The following DEPTOR variants were observed in gnomAD, a reference collection of about 807,000 sequenced individuals.
DEPTOR encodes the protein DEP domain-containing mTOR-interacting protein.
In DEPTOR, 41 loss-of-function variants were observed where a neutral mutation model predicts 41.6. The observed-to-expected ratio is 0.98, with a 90% CI of 0.77 to 1.28. The LOEUF (loss-of-function observed/expected upper bound fraction) is 1.28. Ranked by LOEUF, DEPTOR falls within the 50% of genes most tolerant of loss-of-function variation. DEPTOR has a pLI of 0.00. For missense variants in DEPTOR, 514 were observed against 527.9 expected (o/e 0.97, Z 0.26); for synonymous variants, 195 against 192.3 (o/e 1.01, Z -0.12).
chr8:119,955,002 G>T (rs540682674), intron 3 of DEPTOR, among the ~76,000 whole-genome samples: 1 of 152,062 alleles, frequency 6.6e-6, no homozygotes, highest in Non-Finnish European at 1.5e-5. Context: ...GGGATTACAG[G>T]TGCCCGCCAC....
chr8:119,936,004 T>TG (rs1333586751), intron 3 of DEPTOR, among the ~76,000 whole-genome samples: 2 of 150,708 alleles, frequency 1.3e-5, no homozygotes, highest in Admixed American at 6.6e-5. Flanking sequence ...TAGTTGTTTT[T>TG]TTTTTTTTTT....
At chr8:120,028,102 T>G (rs1364482271) in intron 8 of DEPTOR, among the ~76,000 whole-genome samples, 2 of 152,220 alleles carry the variant, frequency 1.3e-5, no homozygotes, top group African/African-American at 4.8e-5. Context: ...GAAGGTGGTG[T>G]TCCACAGTTT....
chr8:119,996,811 C>A (rs993094314), intron 4 of DEPTOR, among the ~76,000 whole-genome samples: 3 of 152,076 alleles, frequency 2.0e-5, no homozygotes, highest in African/African-American at 7.2e-5. Flanking sequence ...TAAATGTATA[C>A]AGGGCTATAT....
chr8:119,982,014 T>TAA (rs35334859), intron 4 of DEPTOR, among the ~76,000 whole-genome samples: 27,364 of 65,474 alleles, frequency 0.42, 6,828 homozygotes, highest in East Asian at 0.5. Flanking sequence ...ATTCCATCTC[T>TAA]AAAAAAAAAA....
rs556877023 is a variant in DEPTOR, at chr8:120,040,007, C to T, written c.1102-9569C>T. ...TACAGGCACATGCCACCACGCCTGG[C>T]TAATTTTTGTATTCTTAGTAGAGAT... On this transcript the variant is annotated intron_variant, in intron 8 of 8. Coordinates refer to ENST00000286234, the MANE Select transcript of DEPTOR (RefSeq NM_022783.4). 4.6e-5 allele frequency among the ~76,000 whole-genome samples: 7 copies of T among 152,100 alleles called. No homozygotes were observed. In the South Asian group the frequency reaches 1.5e-3, roughly 32 times the overall value.
At chr8:119,969,359 TG>T (rs1371723677) in intron 4 of DEPTOR, among the ~76,000 whole-genome samples, 20 of 151,608 alleles carry the variant, frequency 1.3e-4, no homozygotes, top group South Asian at 2.1e-4. Context: ...TGTTTTTTTT[TG>T]TTTTTTTTTT....
At chr8:119,898,543 A>G (rs35272074) in intron 1 of DEPTOR, among the ~76,000 whole-genome samples, 75,255 of 151,326 alleles carry the variant, frequency 0.5, 20,383 homozygotes, top group East Asian at 0.92. Context: ...GGGCAATGTG[A>G]TGAGACCCCG....
intron 8 of DEPTOR, among the ~76,000 whole-genome samples, chr8:120,021,648 C>T (rs1459763382): frequency 6.6e-6 from 1 of 152,086 alleles, no homozygotes; most frequent in African/African-American, 2.4e-5. Flanking sequence ...ATGTTTCTGC[C>T]ATATTGCAGT....
At chr8:119,950,593 T>C (rs1421463763) in intron 3 of DEPTOR, among the ~76,000 whole-genome samples, 2 of 151,886 alleles carry the variant, frequency 1.3e-5, no homozygotes, top group East Asian at 1.9e-4. Flanking sequence ...TCTTTTCTTT[T>C]CTTCTTTTTC....
chr8:120,003,035 C>G lies in DEPTOR; in HGVS notation c.849C>G (p.Ser283Arg), dbSNP rs1260416301. 1.2e-5 allele frequency: 20 copies of G among 1,609,282 alleles called. 1 individual carries two copies. Among genetic ancestry groups the G allele is most frequent in the Non-Finnish European group, 1.6e-5 (19 of 1,178,550 alleles). ...VSAVRRSSMS[S>R]CGSSGYFSSS... The stretch of plus-strand genomic sequence containing the variant: ...CAGTGAGGAGAAGCAGCATGAGCAG[C>G]TGTGGCAGCAGCGGCTACTTCAGCA... The change falls in exon 6 of 9, where the codon AGC (serine) becomes AGG (arginine). Residue 283 changes from serine (S) to arginine (R), a missense_variant. Transcript: ENST00000286234.
chr8:119,878,527 C>T (rs1273976666), intron 1 of DEPTOR, among the ~76,000 whole-genome samples: 1 of 151,590 alleles, frequency 6.6e-6, no homozygotes, highest in Non-Finnish European at 1.5e-5. Flanking sequence ...CAGCGTTTCA[C>T]CATGTTGGCC....
intron 8 of DEPTOR, among the ~76,000 whole-genome samples, chr8:120,040,386 C>CCCAAATGT (rs1813049025): frequency 6.6e-6 from 1 of 151,872 alleles, no homozygotes; most frequent in South Asian, 2.1e-4. Flanking sequence ...ACCATCCTGG[C>CCCAAATGT]TAACGTGGTG....
Position 120,050,272 on chromosome 8 carries a change from G to A in DEPTOR, c.*568G>A, listed in dbSNP as rs1177711331. ...TGACTTCTTAATTCCTGCCTTTAGT[G>A]TCAACTTTTAAGTTAATACAGGTTT... On this transcript the variant is annotated 3_prime_UTR_variant, in exon 9 of 9. Transcript: ENST00000286234. 1 of 151,528 alleles carries A rather than the reference G, an allele frequency of 6.6e-6. No homozygotes were observed. The highest frequency in any genetic ancestry group is 1.9e-4 in the East Asian group (1 of 5,166). The allele number at this position is 151,528 out of a possible 1,614,324, so 9.4% of individuals were successfully genotyped here.
intron 3 of DEPTOR, among the ~76,000 whole-genome samples, chr8:119,947,677 G>A (rs771066433): frequency 2.6e-5 from 4 of 152,164 alleles, no homozygotes; most frequent in Non-Finnish European, 5.9e-5. Context: ...ACAGGGCGGC[G>A]TATCCAGTAT....
intron 3 of DEPTOR, among the ~76,000 whole-genome samples, chr8:119,952,586 G>A (rs906049871): frequency 1.3e-5 from 2 of 152,164 alleles, no homozygotes; most frequent in African/African-American, 2.4e-5. Context: ...CCCTCCCACT[G>A]CTACTGGCCC....
At chr8:119,952,115 G>A (rs1032972774) in intron 3 of DEPTOR, among the ~76,000 whole-genome samples, 5 of 151,866 alleles carry the variant, frequency 3.3e-5, no homozygotes, top group Non-Finnish European at 7.4e-5. Flanking sequence ...CAACCTGGGC[G>A]ACAGAGTGAA....
intron 4 of DEPTOR, among the ~76,000 whole-genome samples, chr8:119,981,170 G>A (rs1278484065): frequency 6.6e-6 from 1 of 152,116 alleles, no homozygotes; most frequent in African/African-American, 2.4e-5. Flanking sequence ...TTGTTTAACA[G>A]GTTCTCCTAA....
At chr8:119,944,741 G>A (rs777550188) in intron 3 of DEPTOR, among the ~76,000 whole-genome samples, 3 of 147,692 alleles carry the variant, frequency 2.0e-5, no homozygotes, top group Non-Finnish European at 3.0e-5. Context: ...TGCAACCTCC[G>A]CCTCCTGGGT....
chr8:119,874,277 T>TC (rs1314627551), intron 1 of DEPTOR: 6 of 377,396 alleles, frequency 1.6e-5, no homozygotes, highest in Non-Finnish European at 2.9e-5. Context: ...CTGTCCGTCT[T>TC]CCCGTGTACC....
Sources: allele counts gnomAD v4.1 joint callset (sites outside exome capture counted in the v4.1 genomes callset), GRCh38; gene constraint gnomAD v4.1.1; transcripts MANE v1.5; gene names NCBI Gene and HGNC (gene_info 2026-07-23, HGNC 2026-07-21).